Variants in LOXHD1 observed in about 807,000 individuals in gnomAD.
LOXHD1 encodes lipoxygenase homology domain-containing protein 1.
A neutral mutation model predicts 248.2 loss-of-function variants in LOXHD1; 205 were observed. The observed-to-expected ratio is 0.83, with a 90% CI of 0.74 to 0.93. The LOEUF (loss-of-function observed/expected upper bound fraction) is 0.93. Among genes scored for constraint, LOXHD1 ranks in the 40% least tolerant of loss-of-function variants. The pLI is 0.00. For synonymous variants in LOXHD1, 1,113 were observed against 1,162.8 expected, an observed-to-expected ratio of 0.96 and a Z score of 0.87; for missense variants, 2,930 against 2,971.6, an observed-to-expected ratio of 0.99 and a Z score of 0.33.
chr18:46,481,941 G>T (rs1598806958), intron 40 of LOXHD1, among the ~76,000 whole-genome samples: 1 of 152,230 alleles, frequency 6.6e-6, no homozygotes, highest in African/African-American at 2.4e-5. Context: ...ATTTTGTTTT[G>T]TTTATTTTGG....
At chr18:46,555,974 G>A (rs1274124824) in intron 21 of LOXHD1, among the ~76,000 whole-genome samples, 5 of 152,032 alleles carry the variant, frequency 3.3e-5, no homozygotes, top group Non-Finnish European at 7.4e-5. Flanking sequence ...CCTGCTTGCG[G>A]ACATCCATAA....
chr18:46,528,519 A>G (rs952228060), intron 29 of LOXHD1, among the ~76,000 whole-genome samples: 20 of 152,154 alleles, frequency 1.3e-4, no homozygotes, highest in African/African-American at 4.8e-4. Flanking sequence ...GCCTTTTTAT[A>G]GCCACAGAAC....
chr18:46,648,023 G>C (rs996989701), intron 2 of LOXHD1, among the ~76,000 whole-genome samples: 2 of 152,186 alleles, frequency 1.3e-5, no homozygotes, highest in Non-Finnish European at 2.9e-5. Context: ...TTGGGAGGCT[G>C]AAACGGGCAG....
intron 34 of LOXHD1, among the ~76,000 whole-genome samples, chr18:46,510,739 G>A (rs912541497): frequency 5.3e-5 from 8 of 152,234 alleles, no homozygotes; most frequent in Admixed American, 3.3e-4. Flanking sequence ...ACTACTGCTA[G>A]TCTTAAAGGT....
intron 1 of LOXHD1, among the ~76,000 whole-genome samples, chr18:46,655,619 C>T (rs186246602): frequency 1.0e-3 from 153 of 152,298 alleles, no homozygotes; most frequent in Non-Finnish European, 1.8e-3. Context: ...GGCCCACTTC[C>T]TCCTACTACA....
At chr18:46,621,084 G>A (rs757970484) in intron 4 of LOXHD1, among the ~76,000 whole-genome samples, 9 of 152,148 alleles carry the variant, frequency 5.9e-5, no homozygotes, top group Non-Finnish European at 1.0e-4. Context: ...AAGTCAGGTG[G>A]ACAGAGGTCA....
chr18:46,488,556 A>C (rs2033231939), intron 38 of LOXHD1, among the ~76,000 whole-genome samples: 1 of 152,186 alleles, frequency 6.6e-6, no homozygotes, highest in African/African-American at 2.4e-5. Flanking sequence ...CCCCTGAGGA[A>C]GGGACAAAAG....
rs746436570 is a variant in LOXHD1 at position 46,548,542 on chromosome 18, G to C, written c.3351-1484C>G. 7.0e-4 allele frequency among the ~76,000 whole-genome samples: 107 copies of C among 152,204 alleles called. 1 individual carries two copies. The highest frequency in any genetic ancestry group is 6.3e-3 in the Middle Eastern group (2 of 316). On this transcript the variant is annotated intron_variant, in intron 21 of 40. Coordinates refer to ENST00000642948, the MANE Select transcript of LOXHD1 (RefSeq NM_001384474.1). ...AAGCTACCATTAAATTAGTGTTTCAGAGAAAAATGCACACTGTTCTGCTTC... is the reference window on the plus strand; with the variant it reads ...AAGCTACCATTAAATTAGTGTTTCACAGAAAAATGCACACTGTTCTGCTTC...
intron 18 of LOXHD1, among the ~76,000 whole-genome samples, 159 bp downstream of exon 18, chr18:46,562,906 G>T (rs1012293128): frequency 6.6e-6 from 1 of 152,090 alleles, no homozygotes; most frequent in Non-Finnish European, 1.5e-5. Flanking sequence ...ATTTTAGGCC[G>T]AAAGCTCAGG....
chr18:46,608,348 A>G (rs2038453621), intron 6 of LOXHD1, among the ~76,000 whole-genome samples: 1 of 152,154 alleles, frequency 6.6e-6, no homozygotes. Flanking sequence ...ACAACAAAGA[A>G]ACACATCTTG....
chr18:46,576,240 C>A (rs886612458), intron 14 of LOXHD1, among the ~76,000 whole-genome samples: 3 of 152,230 alleles, frequency 2.0e-5, no homozygotes, highest in African/African-American at 7.2e-5. Flanking sequence ...CAAGCTCTTC[C>A]ATCTGGCATC....
intron 4 of LOXHD1, among the ~76,000 whole-genome samples, chr18:46,630,364 T>C (rs947552139): frequency 3.9e-5 from 6 of 152,004 alleles, no homozygotes; most frequent in African/African-American, 1.5e-4. Flanking sequence ...AGTAGGAGGG[T>C]TTGTGGGTAG....
intron 15 of LOXHD1, among the ~76,000 whole-genome samples, chr18:46,570,176 T>C (rs2144086063): frequency 6.6e-6 from 1 of 152,338 alleles, no homozygotes; most frequent in African/African-American, 2.4e-5. Flanking sequence ...GAAACTCTCA[T>C]GTGGACTTGA....
chr18:46,579,688 G>A lies in LOXHD1; in HGVS notation c.1751C>T (p.Thr584Met), dbSNP rs747842788. 24 of 1,551,710 alleles carry A rather than the reference G, an allele frequency of 1.5e-5. No homozygotes were observed. In the East Asian group the frequency reaches 2.0e-4, roughly 13 times the overall value. Residue 584 changes from threonine to methionine, a missense_variant, in exon 13 of 41, where the codon ACG (threonine) becomes ATG (methionine). Transcript: ENST00000642948. ...YLCLFGDVGDTGERLLYNCRN... is the reference protein window; with the variant it reads ...YLCLFGDVGDMGERLLYNCRN... ...GCAGTTGTAGAGCAGCCGTTCCCCC[G>A]TGTCCCCCACATCACCAAAAAGGCA... is the stretch of plus-strand genomic sequence containing the variant.
intron 35 of LOXHD1, among the ~76,000 whole-genome samples, chr18:46,508,621 T>C (rs1179605062): frequency 6.6e-6 from 1 of 152,252 alleles, no homozygotes; most frequent in Non-Finnish European, 1.5e-5. Context: ...TGCTTTGTTA[T>C]GCTGCCTGAG....
In LOXHD1 at chr18:46,652,969, A is replaced by G. The variant is rs188319576; in HGVS notation, c.131-3700T>C. Among the ~76,000 whole-genome samples the G allele has an allele frequency of 4.9e-3, 746 of 152,346 alleles. 5 individuals carry two copies. The highest frequency in any genetic ancestry group is 0.031 in the South Asian group (152 of 4,826). ...TGGTTCCATTTAAAAGTTCAAGAAC[A>G]GGCCAGGAGCAGTAGCTCACACCTG... On this transcript the variant is annotated intron_variant, in intron 1 of 40. Transcript: ENST00000642948.
At chr18:46,649,302 C>T in intron 1 of LOXHD1, 33 bp from the exon 2 acceptor site, 1 of 1,529,416 alleles carries the variant, frequency 6.5e-7, no homozygotes. Flanking sequence ...AGATTGCAGG[C>T]TCAGAAAAAA....
intron 6 of LOXHD1, among the ~76,000 whole-genome samples, chr18:46,606,963 C>T (rs1005046530): frequency 9.9e-5 from 15 of 151,800 alleles, no homozygotes; most frequent in Admixed American, 3.3e-4. Flanking sequence ...GTCAGGAGTT[C>T]GAGACCAGCC....
chr18:46,484,638 GAGTT>G (rs1459403966), intron 39 of LOXHD1, among the ~76,000 whole-genome samples: 1 of 152,212 alleles, frequency 6.6e-6, no homozygotes, highest in African/African-American at 2.4e-5. Context: ...AGATGTAGCA[GAGTT>G]AAGGGGGAGG....
Sources: allele counts gnomAD v4.1 joint callset (sites outside exome capture counted in the v4.1 genomes callset), GRCh38; gene constraint gnomAD v4.1.1; transcripts MANE v1.5; gene names NCBI Gene and HGNC (gene_info 2026-07-23, HGNC 2026-07-21).